Variants in C12orf56 observed in about 807,000 individuals in gnomAD.
The protein encoded by C12orf56 is chromosome 12 open reading frame 56, also known as uncharacterized protein C12orf56.
A neutral mutation model predicts 69.9 loss-of-function variants in C12orf56; 71 were observed. That is an observed-to-expected ratio of 1.02 (90% CI 0.84 to 1.24). The LOEUF (loss-of-function observed/expected upper bound fraction) is 1.24. Ranked by LOEUF, C12orf56 falls within the 50% of genes most tolerant of loss-of-function variation. The probability of loss-of-function intolerance (pLI) is 0.00; values close to 1 mark genes in which losing one functional copy is unlikely to be tolerated. For synonymous variants in C12orf56, 276 were observed against 274.1 expected, an observed-to-expected ratio of 1.01 and a Z score of -0.07; for missense variants, 732 against 738.5, an observed-to-expected ratio of 0.99 and a Z score of 0.10.
chr12:64,297,926 G>C, intron 6 of C12orf56, among the ~76,000 whole-genome samples: 1 of 152,094 alleles, frequency 6.6e-6, no homozygotes, highest in East Asian at 1.9e-4. Flanking sequence ...GAGTTAAATG[G>C]TATTTCTAGT....
intron 1 of C12orf56, among the ~76,000 whole-genome samples, chr12:64,387,473 C>A (rs2039809677): frequency 6.6e-6 from 1 of 152,058 alleles, no homozygotes. Flanking sequence ...TGGCTCAGGG[C>A]CAAAGGAGCT....
rs1438267033 is a variant in C12orf56 at position 64,267,191 on chromosome 12, C to T, written c.1861G>A (p.Val621Ile). ...GCGTACATTGTTTGTTTCTATTCAA[C>T]CAATTTCAGAACTTCATGAAAAAGT... ...IQLFHEVLKLVE is the reference protein window; with the variant it reads ...IQLFHEVLKLIE Residue 621 changes from valine to isoleucine, a missense_variant, in exon 13 of 13, where the codon GTT becomes ATT. Coordinates refer to ENST00000543942, the MANE Select transcript of C12orf56 (RefSeq NM_001170633.2). 4.4e-6 allele frequency: 7 copies of T among 1,601,766 alleles called. No individual in the cohort carries two copies. Among genetic ancestry groups the T allele is most frequent in the Non-Finnish European group, 6.0e-6 (7 of 1,172,084 alleles).
intron 5 of C12orf56, among the ~76,000 whole-genome samples, chr12:64,308,917 A>AAAGG: frequency 1.5e-5 from 1 of 68,746 alleles, no homozygotes; most frequent in Non-Finnish European, 2.9e-5. Flanking sequence ...AGAAAGAAAG[A>AAAGG]AAGAAAGAAA....
chr12:64,304,804 G>A (rs191749302), intron 5 of C12orf56, among the ~76,000 whole-genome samples: 3 of 152,236 alleles, frequency 2.0e-5, no homozygotes, highest in East Asian at 3.9e-4. Context: ...AATTACTAAC[G>A]CATTTTACAG....
intron 5 of C12orf56, among the ~76,000 whole-genome samples, chr12:64,308,240 C>T (rs4237926): frequency 0.95 from 145,190 of 152,204 alleles, 69,614 homozygotes; most frequent in East Asian, 1. Context: ...GAGAATTGCT[C>T]GAGCCTGGGA....
intron 1 of C12orf56, among the ~76,000 whole-genome samples, chr12:64,384,406 T>C (rs1481112439): frequency 6.6e-6 from 1 of 152,210 alleles, no homozygotes; most frequent in Non-Finnish European, 1.5e-5. Flanking sequence ...AAAAGGAATG[T>C]ATTATTCTTT....
intron 2 of C12orf56, among the ~76,000 whole-genome samples, chr12:64,333,503 T>G (rs2038957314): frequency 6.6e-6 from 1 of 151,784 alleles, no homozygotes; most frequent in African/African-American, 2.4e-5. Context: ...TTATTTTTAT[T>G]TATTTTTTTA....
At chr12:64,312,797 A>G (rs2038637623) in intron 4 of C12orf56, 45 bp from the exon 5 acceptor site, 1 of 1,343,400 alleles carries the variant, frequency 7.4e-7, no homozygotes, top group Non-Finnish European at 1.0e-6. Flanking sequence ...TTATTTACTG[A>G]AGATCAATTC....
intron 1 of C12orf56, among the ~76,000 whole-genome samples, chr12:64,369,779 G>A (rs939630170): frequency 2.6e-4 from 39 of 151,602 alleles, no homozygotes; most frequent in Middle Eastern, 3.4e-3. Flanking sequence ...TCAAGAGTTC[G>A]AGACCAGCCT....
intron 1 of C12orf56, among the ~76,000 whole-genome samples, chr12:64,389,623 A>G (rs1292840481): frequency 5.9e-5 from 9 of 151,918 alleles, no homozygotes; most frequent in Non-Finnish European, 4.4e-5. Flanking sequence ...CAGCCTCCCA[A>G]GTAGTTGGGA....
chr12:64,276,488 C>A (rs951687604), intron 9 of C12orf56, among the ~76,000 whole-genome samples: 3 of 152,106 alleles, frequency 2.0e-5, no homozygotes, highest in African/African-American at 7.2e-5. Context: ...TTGGTTCCAC[C>A]CCACTCTTTA....
At chr12:64,347,651 TTA>T (rs1189620760) in intron 2 of C12orf56, among the ~76,000 whole-genome samples, 1 of 152,122 alleles carries the variant, frequency 6.6e-6, no homozygotes, top group Non-Finnish European at 1.5e-5. Flanking sequence ...GTCTCTCTAG[TTA>T]TATATGTGTT....
In C12orf56 at chr12:64,330,426, C is replaced by T. The variant is rs190093527; in HGVS notation, c.488+534G>A. On this transcript the variant is annotated intron_variant, in intron 3 of 12. Transcript: ENST00000543942. ...ACTGCAGTGTCCCCATCTCCAGGCG[C>T]CCTATTCCTTTACCAACTGTCACCA... is the stretch of plus-strand genomic sequence containing the variant. Among the ~76,000 whole-genome samples, 36 of 152,308 alleles carry T rather than the reference C, an allele frequency of 2.4e-4. No individual in the cohort carries two copies. The East Asian group carries it at 4.0e-3, about 17-fold the overall frequency.
chr12:64,273,969 G>C (rs546949513), intron 11 of C12orf56, among the ~76,000 whole-genome samples: 5 of 152,184 alleles, frequency 3.3e-5, no homozygotes, highest in South Asian at 2.1e-4. Flanking sequence ...TGACACGGCA[G>C]AAGCAAATAA....
Position 64,390,410 on chromosome 12 carries a change from A to G in C12orf56, c.156T>C (p.Tyr52=), listed in dbSNP as rs1246547375. ...VSNSENHILK[Y]VVLSDRLVYL... is the part of the protein sequence containing the mutation. ...AGACGAGCCGGTCGCTTAGCACCACATACTTGAGGATGTGGTTCTCAGAGT... is the reference window on the plus strand; with the variant it reads ...AGACGAGCCGGTCGCTTAGCACCACGTACTTGAGGATGTGGTTCTCAGAGT... The change falls in exon 1 of 13, where the codon TAT becomes TAC. Residue 52 remains tyrosine, a synonymous_variant. Transcript: ENST00000543942. The G allele has an allele frequency of 2.5e-6, 4 of 1,612,964 alleles. No homozygotes were observed. The highest frequency in any genetic ancestry group is 1.3e-5 in the African/African-American group (1 of 74,892).
chr12:64,365,687 ATTC>A (rs2039458493), intron 1 of C12orf56, among the ~76,000 whole-genome samples: 14 of 145,710 alleles, frequency 9.6e-5, no homozygotes, highest in African/African-American at 3.2e-4. Context: ...AATATAATAT[ATTC>A]TATTATATAA....
chr12:64,300,281 A>G (rs957189677), intron 6 of C12orf56, among the ~76,000 whole-genome samples: 6 of 152,240 alleles, frequency 3.9e-5, no homozygotes, highest in South Asian at 4.1e-4. Context: ...GAGAGAGAAG[A>G]TGAAGTGGCG....
chr12:64,308,940 G>GAAAGAAGGAAGA (rs35488127), intron 5 of C12orf56, among the ~76,000 whole-genome samples: 2 of 80,828 alleles, frequency 2.5e-5, no homozygotes, highest in Non-Finnish European at 5.0e-5. Flanking sequence ...AAGAAAGAAA[G>GAAAGAAGGAAGA]AAGAAAGAAA....
intron 1 of C12orf56, among the ~76,000 whole-genome samples, chr12:64,357,990 T>C (rs1280316732): frequency 2.0e-5 from 3 of 152,202 alleles, no homozygotes; most frequent in Non-Finnish European, 4.4e-5. Flanking sequence ...TAAGGTGATA[T>C]GTGATTACAT....
Sources: allele counts gnomAD v4.1 joint callset (sites outside exome capture counted in the v4.1 genomes callset), GRCh38; gene constraint gnomAD v4.1.1; transcripts MANE v1.5; gene names NCBI Gene and HGNC (gene_info 2026-07-23, HGNC 2026-07-21).